The following SPATA4 variants were observed in gnomAD, a reference collection of about 807,000 sequenced individuals.
SPATA4 encodes spermatogenesis associated 4.
In SPATA4, 35 loss-of-function variants were observed where a neutral mutation model predicts 31.8. That is an observed-to-expected ratio of 1.10 (90% CI 0.84 to 1.46). The LOEUF is 1.46. SPATA4 is among the 40% of genes most tolerant of loss of function. The pLI, the probability that SPATA4 is intolerant of heterozygous loss-of-function variation, is 0.00. For synonymous variants in SPATA4, 126 were observed against 132.4 expected (o/e 0.95, Z 0.33); for missense variants, 394 against 363.1 (o/e 1.09, Z -0.69).
chr4:176,193,177 T>C, intron 2 of SPATA4, 101 bp from the exon 3 acceptor site: 1 of 860,986 alleles, frequency 1.2e-6, no homozygotes. Flanking sequence ...ACCTATGAAG[T>C]AATTTTTGTG....
At position 176,184,771 on chromosome 4, in the gene SPATA4, A is replaced by C. The variant is rs777748923; in HGVS notation, c.*9T>G. The C allele has an allele frequency of 1.3e-6, 2 of 1,554,846 alleles. No individual in the cohort carries two copies. The highest frequency in any genetic ancestry group is 2.7e-5 in the African/African-American group (2 of 72,888). ...CATCACTTCTTCAAAGCCATTTGAC[A>C]GGTGCTTTTCAAGGTTTCTTGTCCA... On this transcript the variant is annotated 3_prime_UTR_variant, in exon 6 of 6. Transcript: ENST00000280191.
Position 176,192,796 on chromosome 4 carries a change from C to A in SPATA4, c.519G>T (p.Gln173His). Residue 173 changes from glutamine (Q) to histidine (H), a missense_variant, in exon 4 of 6, where the codon CAG (glutamine) becomes CAT (histidine). By Grantham distance (24) the Gln-to-His change is conservative. Transcript: ENST00000280191. ...DFVNFTDYSYQMRLPLVSRST... is the reference protein window; with the variant it reads ...DFVNFTDYSYHMRLPLVSRST... ...ACCTGGAAACCAGGGGTAAACGCAT[C>A]TGGTAGCTATAGTCCGTGAAATTCA... The A allele has an allele frequency of 1.2e-6, 2 of 1,614,096 alleles. No homozygotes were observed. Among genetic ancestry groups the A allele is most frequent in the Non-Finnish European group, 1.7e-6 (2 of 1,179,992 alleles).
intron 4 of SPATA4, among the ~76,000 whole-genome samples, chr4:176,189,698 T>C (rs1752498391): frequency 6.6e-6 from 1 of 152,102 alleles, no homozygotes; most frequent in African/African-American, 2.4e-5. Flanking sequence ...CATACATACA[T>C]GCAAACTGAA....
chr4:176,195,232 G>C (rs1752596206), intron 1 of SPATA4, 113 bp downstream of exon 1: 1 of 898,282 alleles, frequency 1.1e-6, no homozygotes, highest in Non-Finnish European at 1.8e-6. Context: ...TGGGTGGGGG[G>C]GTCTTGATTT....
chr4:176,193,339 G>A, intron 2 of SPATA4, 114 bp downstream of exon 2: 1 of 1,311,186 alleles, frequency 7.6e-7, no homozygotes. Flanking sequence ...GGAACAAGCT[G>A]CCAACTCAGT....
At chr4:176,193,405 T>C in intron 2 of SPATA4, 48 bp downstream of exon 2, 1 of 1,593,798 alleles carries the variant, frequency 6.3e-7, no homozygotes, top group South Asian at 1.1e-5. Flanking sequence ...TGGCACACTT[T>C]AAAACAAACA....
In SPATA4 at chr4:176,184,750, A is replaced by C. The variant is rs1431768287; in HGVS notation, c.*30T>G. The C allele has an allele frequency of 7.3e-7, 1 of 1,361,924 alleles. No individual in the cohort carries two copies. Among genetic ancestry groups the C allele is most frequent in the Non-Finnish European group, 1.0e-6 (1 of 976,226 alleles). The allele number at this position is 1,361,924 out of a possible 1,614,324, so 84.4% of individuals were successfully genotyped here. On this transcript the variant is annotated 3_prime_UTR_variant, in exon 6 of 6. Transcript: ENST00000280191. The stretch of plus-strand genomic sequence containing the variant: ...TATTATGGCTAGAGATGGTGGCATC[A>C]CTTCTTCAAAGCCATTTGACAGGTG...
Position 176,192,493 on chromosome 4 carries a change from T to C in SPATA4, c.688+134A>G, listed in dbSNP as rs940049371. ...CTAATAAATCATTTCACTGCTAGCA[T>C]TAAAGAAGTAATTTCCCTTTAAACC... On this transcript the variant is annotated intron_variant, in intron 4 of 5. Coordinates refer to ENST00000280191, the MANE Select transcript of SPATA4 (RefSeq NM_144644.4). 9.6e-5 allele frequency: 66 copies of C among 686,032 alleles called. 1 individual carries two copies. The African/African-American group carries it at 1.1e-3, about 11-fold the overall frequency. The allele number at this position is 686,032 out of a possible 1,614,324, so 42.5% of individuals were successfully genotyped here.
chr4:176,187,422 C>T lies in SPATA4; in HGVS notation c.805+697G>A, dbSNP rs559075441. ...GAGTTCAGGACCAGCCTGGGCAACA[C>T]GGTGAAACCCCATCTCTACTAAAAT... On this transcript the variant is annotated intron_variant, in intron 5 of 5. Transcript: ENST00000280191. 2.1e-3 allele frequency among the ~76,000 whole-genome samples: 321 copies of T among 151,868 alleles called. 1 individual carries two copies. Among genetic ancestry groups the T allele is most frequent in the Non-Finnish European group, 3.6e-3 (242 of 67,938 alleles).
chr4:176,189,469 A>C (rs1051525748), intron 4 of SPATA4, among the ~76,000 whole-genome samples: 19 of 152,098 alleles, frequency 1.2e-4, no homozygotes, highest in African/African-American at 4.3e-4. Flanking sequence ...GAAAAAAAAA[A>C]CTCAAAATAG....
intron 4 of SPATA4, among the ~76,000 whole-genome samples, chr4:176,188,838 C>T (rs1752485842): frequency 6.6e-6 from 1 of 152,224 alleles, no homozygotes; most frequent in Admixed American, 6.5e-5. Context: ...ACTTCCTCCT[C>T]TGCAACTCAT....
chr4:176,190,089 G>T (rs902764788), intron 4 of SPATA4, among the ~76,000 whole-genome samples: 4 of 152,162 alleles, frequency 2.6e-5, no homozygotes, highest in Non-Finnish European at 5.9e-5. Context: ...TCTTTACAAT[G>T]TCTATAATCT....
At position 176,195,383 on chromosome 4, in the gene SPATA4, C is replaced by G. The variant is rs1417988921; in HGVS notation, c.180G>C (p.Gln60His). The G allele has an allele frequency of 2.2e-5, 35 of 1,614,076 alleles. No homozygotes were observed. The highest frequency in any genetic ancestry group is 3.0e-5 in the Non-Finnish European group (35 of 1,180,060). Residue 60 changes from glutamine (Q) to histidine (H), a missense_variant, in exon 1 of 6, where the codon CAG becomes CAC. Transcript: ENST00000280191. ...TGGGGAAGAAGCTGAGATCCAGACC[C>G]TGAAGCCAACGCAGAACGGAACGAG... Reference protein sequence around the residue: ...RLSRSVLRWLQGLDLSFFPRN... With the variant: ...RLSRSVLRWLHGLDLSFFPRN...
At chr4:176,187,555 G>T (rs1294977097) in intron 5 of SPATA4, among the ~76,000 whole-genome samples, 1 of 151,504 alleles carries the variant, frequency 6.6e-6, no homozygotes, top group Non-Finnish European at 1.5e-5. Flanking sequence ...AGTGAGCCGA[G>T]ATCACACCAC....
Position 176,192,995 on chromosome 4 carries a change from A to C in SPATA4, c.430T>G (p.Leu144Val). 2.5e-6 allele frequency: 4 copies of C among 1,610,214 alleles called. No homozygotes were observed. The highest frequency in any genetic ancestry group is 3.4e-6 in the Non-Finnish European group (4 of 1,178,870). ...IHCKAGVPEILIEEVYTLLTH... is the reference protein window; with the variant it reads ...IHCKAGVPEIVIEEVYTLLTH... ...AATAAAGTGTAAACCTCTTCTATCA[A>C]TATTTCAGGCACTCCAGCTTTACAA... The change falls in exon 3 of 6, where the codon TTG becomes GTG. Residue 144 changes from leucine (L) to valine (V), a missense_variant. By Grantham distance (32) the Leu-to-Val change is conservative. Coordinates refer to ENST00000280191, the MANE Select transcript of SPATA4 (RefSeq NM_144644.4).
At chr4:176,187,969 T>C in intron 5 of SPATA4, 150 bp downstream of exon 5, 1 of 632,924 alleles carries the variant, frequency 1.6e-6, no homozygotes, top group South Asian at 2.0e-5. Flanking sequence ...TCACTTATCA[T>C]AAAGAACTGC....
Position 176,195,382 on chromosome 4 carries a change from C to T in SPATA4, c.181G>A (p.Gly61Ser), listed in dbSNP as rs1561241618. 6.2e-7 allele frequency: 1 copy of T among 1,613,996 alleles called. No homozygotes were observed. The highest frequency in any genetic ancestry group is 8.5e-7 in the Non-Finnish European group (1 of 1,180,026). ...CTGGGGAAGAAGCTGAGATCCAGAC[C>T]CTGAAGCCAACGCAGAACGGAACGA... is the stretch of plus-strand genomic sequence containing the variant. ...LSRSVLRWLQ[G>S]LDLSFFPRNI... Residue 61 changes from glycine to serine, a missense_variant, in exon 1 of 6, where the codon GGT becomes AGT. Transcript: ENST00000280191.
intron 4 of SPATA4, among the ~76,000 whole-genome samples, chr4:176,188,913 C>T (rs1200122998): frequency 6.6e-6 from 1 of 152,186 alleles, no homozygotes; most frequent in Non-Finnish European, 1.5e-5. Flanking sequence ...TCTGTCAACA[C>T]TAAACACAAC....
chr4:176,188,717 T>C (rs1465272691), intron 4 of SPATA4, among the ~76,000 whole-genome samples: 4 of 152,252 alleles, frequency 2.6e-5, no homozygotes, highest in African/African-American at 9.6e-5. Context: ...ACAGTATCTT[T>C]CATTTTGCAC....
Sources: gnomAD v4.1 joint callset for allele counts (sites outside exome capture counted in the v4.1 genomes callset) on GRCh38, gnomAD v4.1.1 for gene constraint, MANE v1.5 for transcripts, NCBI Gene and HGNC (gene_info 2026-07-23, HGNC 2026-07-21) for gene names.